The following ENOX2 variants were observed in gnomAD, a reference collection of about 807,000 sequenced individuals.
The protein encoded by ENOX2 is ecto-NOX disulfide-thiol exchanger 2.
In ENOX2, 36 loss-of-function variants were observed where a neutral mutation model predicts 45.0. That is an observed-to-expected ratio of 0.80 (90% CI 0.61 to 1.06). ENOX2 has a LOEUF of 1.06. ENOX2 is among the 50% of genes least tolerant of loss of function. The probability of loss-of-function intolerance (pLI) is 0.00; values close to 1 mark genes in which losing one functional copy is unlikely to be tolerated. For synonymous variants in ENOX2, 174 were observed against 152.3 expected, an observed-to-expected ratio of 1.14 and a Z score of -1.05; for missense variants, 423 against 462.5, an observed-to-expected ratio of 0.91 and a Z score of 0.78.
At chrX:130,670,478 T>C (rs752059693) in intron 6 of ENOX2, among the ~76,000 whole-genome samples, 9 of 110,753 alleles carry the variant, frequency 8.1e-5, no homozygotes, top group African/African-American at 3.0e-4. Context: ...GTTCCATTCC[T>C]CCATCTAATA....
intron 3 of ENOX2, among the ~76,000 whole-genome samples, chrX:130,737,495 T>C (rs1234517389): frequency 8.9e-6 from 1 of 112,271 alleles, no homozygotes; most frequent in Non-Finnish European, 1.9e-5. Context: ...ACTTCTGAAA[T>C]GCTTCCAAAA....
intron 10 of ENOX2, among the ~76,000 whole-genome samples, chrX:130,652,013 G>A (rs1157133104): frequency 4.5e-5 from 5 of 111,061 alleles, no homozygotes; most frequent in East Asian, 2.8e-4. Flanking sequence ...TAACTTTATC[G>A]ATTCTAGTTG....
intron 2 of ENOX2, among the ~76,000 whole-genome samples, chrX:130,830,039 G>A (rs1490751571): frequency 9.0e-6 from 1 of 111,570 alleles, no homozygotes; most frequent in Admixed American, 9.5e-5. Context: ...AAGGTCACAT[G>A]GCTTGTAATT....
At chrX:130,757,275 T>C (rs1289066426) in intron 3 of ENOX2, among the ~76,000 whole-genome samples, 3 of 111,728 alleles carry the variant, frequency 2.7e-5, no homozygotes, top group African/African-American at 9.8e-5. Context: ...CCCACTCCCA[T>C]AGACATGCAC....
intron 2 of ENOX2, among the ~76,000 whole-genome samples, chrX:130,899,556 C>T (rs1190014135): frequency 8.9e-6 from 1 of 112,091 alleles, no homozygotes; most frequent in African/African-American, 3.2e-5. Flanking sequence ...CTAACATTGC[C>T]TTGTGCGTGC....
At chrX:130,872,925 C>T (rs2078626046) in intron 2 of ENOX2, among the ~76,000 whole-genome samples, 1 of 111,907 alleles carries the variant, frequency 8.9e-6, no homozygotes. Context: ...AAATGTAAGA[C>T]CTAAAACCAT....
intron 2 of ENOX2, among the ~76,000 whole-genome samples, chrX:130,853,109 T>C (rs12833961): frequency 9.2e-6 from 1 of 108,788 alleles, no homozygotes; most frequent in African/African-American, 3.4e-5. Context: ...TTACTATATA[T>C]ATCCCAGACC....
intron 7 of ENOX2, among the ~76,000 whole-genome samples, chrX:130,668,229 T>C (rs2036890716): frequency 9.0e-6 from 1 of 110,911 alleles, no homozygotes; most frequent in Non-Finnish European, 1.9e-5. Context: ...TTAACTTGAA[T>C]TTAACAGTAA....
chrX:130,629,270 A>G (rs1167355113), intron 13 of ENOX2, among the ~76,000 whole-genome samples: 1 of 112,768 alleles, frequency 8.9e-6, no homozygotes, highest in African/African-American at 3.2e-5. Flanking sequence ...ATGTTTGAAG[A>G]AATTCTAGAC....
chrX:130,803,467 C>A (rs2077253946), intron 2 of ENOX2, among the ~76,000 whole-genome samples: 1 of 111,783 alleles, frequency 8.9e-6, no homozygotes, highest in Non-Finnish European at 1.9e-5. Flanking sequence ...TATTTAAAAC[C>A]TTTTACATTT....
intron 2 of ENOX2, among the ~76,000 whole-genome samples, chrX:130,821,610 G>A (rs2077600701): frequency 1.2e-5 from 1 of 86,412 alleles, no homozygotes; most frequent in African/African-American, 4.3e-5. Flanking sequence ...GTTAGTGGGT[G>A]CAGCACACCA....
chrX:130,883,893 T>C (rs1381743269), intron 2 of ENOX2, among the ~76,000 whole-genome samples: 1 of 112,352 alleles, frequency 8.9e-6, no homozygotes, highest in Non-Finnish European at 1.9e-5. Context: ...GATGAAAGAC[T>C]TTTTCTTTAG....
intron 10 of ENOX2, among the ~76,000 whole-genome samples, chrX:130,641,878 T>C (rs1303927873): frequency 1.8e-5 from 2 of 111,599 alleles, no homozygotes; most frequent in Non-Finnish European, 3.8e-5. Flanking sequence ...CAGAAAAGAA[T>C]ATTCCTTTCA....
intron 3 of ENOX2, among the ~76,000 whole-genome samples, chrX:130,775,091 G>A (rs746795333): frequency 6.2e-5 from 7 of 112,160 alleles, no homozygotes; most frequent in Non-Finnish European, 1.1e-4. Flanking sequence ...CTTTGGCACA[G>A]GAGCAAGATT....
chrX:130,801,101 C>T (rs771769731), intron 2 of ENOX2, among the ~76,000 whole-genome samples: 12 of 112,375 alleles, frequency 1.1e-4, no homozygotes, highest in South Asian at 3.7e-4. Context: ...AATATTCTTA[C>T]GGTGGTGGCC....
intron 10 of ENOX2, among the ~76,000 whole-genome samples, chrX:130,640,513 C>T (rs1177803387): frequency 8.9e-6 from 1 of 112,372 alleles, no homozygotes; most frequent in East Asian, 2.8e-4. Context: ...AAATGCCCCT[C>T]AATGATAGAC....
chrX:130,848,215 T>C (rs1486489822), intron 2 of ENOX2, among the ~76,000 whole-genome samples: 1 of 111,068 alleles, frequency 9.0e-6, no homozygotes, highest in Non-Finnish European at 1.9e-5. Flanking sequence ...TCAATGTCAT[T>C]AAATAAAGAT....
chrX:130,795,858 A>G (rs2077115658), intron 2 of ENOX2, among the ~76,000 whole-genome samples: 1 of 110,546 alleles, frequency 9.0e-6, no homozygotes, highest in African/African-American at 3.3e-5. Context: ...ATCCTTCAAA[A>G]CTCGGCTCAA....
intron 2 of ENOX2, among the ~76,000 whole-genome samples, chrX:130,883,238 G>A (rs1403264652): frequency 3.6e-5 from 4 of 111,057 alleles, no homozygotes; most frequent in Non-Finnish European, 5.7e-5. Flanking sequence ...AGGCTCCCAC[G>A]TAGCTGAGAT....
Sources: allele counts gnomAD v4.1 joint callset (sites outside exome capture counted in the v4.1 genomes callset), GRCh38; gene constraint gnomAD v4.1.1; transcripts MANE v1.5; gene names NCBI Gene and HGNC (gene_info 2026-07-23, HGNC 2026-07-21).